The following KIF1C variants were observed in gnomAD, a reference collection of about 807,000 sequenced individuals.
KIF1C encodes kinesin-like protein KIF1C.
KIF1C carries 61 observed loss-of-function variants against 126.5 expected under a neutral mutation model. The observed-to-expected ratio is 0.48, with a 90% CI of 0.39 to 0.60. The LOEUF (loss-of-function observed/expected upper bound fraction) is 0.60. Among genes scored for constraint, KIF1C ranks in the 20% least tolerant of loss-of-function variants. The pLI, the probability that KIF1C is intolerant of heterozygous loss-of-function variation, is 0.00. For synonymous variants in KIF1C, 640 were observed against 580.6 expected, an observed-to-expected ratio of 1.10 and a Z score of -1.47; for missense variants, 1,315 against 1,489.2, an observed-to-expected ratio of 0.88 and a Z score of 1.93.
At chr17:5,019,789 A>G in intron 18 of KIF1C, 1 of 580,760 alleles carries the variant, frequency 1.7e-6, no homozygotes, top group Non-Finnish European at 3.2e-6. Flanking sequence ...GCTTCTGGGA[A>G]TTGTAGTTGG....
At chr17:5,006,358 A>G (rs1005874244) in intron 13 of KIF1C, among the ~76,000 whole-genome samples, 1 of 149,574 alleles carries the variant, frequency 6.7e-6, no homozygotes, top group East Asian at 2.0e-4. Flanking sequence ...TCTCTTTTTG[A>G]GACAGTCACG....
At position 5,006,947 on chromosome 17, in the gene KIF1C, G is replaced by A. The variant is rs755935386; in HGVS notation, c.1198G>A (p.Ala400Thr). Residue 400 changes from alanine to threonine, a missense_variant, in exon 14 of 23, where the codon GCC (alanine) becomes ACC (threonine). This residue lies in a region of KIF1C where 874 missense variants were observed against 1,053.2 expected (regional missense o/e 0.83). Coordinates refer to ENST00000320785, the MANE Select transcript of KIF1C (RefSeq NM_006612.6). ...LKTEEGSVRG[A>T]LPAVSSPPAP... is the part of the protein sequence containing the mutation. ...GACGGAAGAAGGGAGTGTCAGAGGC[G>A]CCCTGCCAGCTGTGTCATCTCCCCC... 3.0e-5 allele frequency: 48 copies of A among 1,609,304 alleles called. No individual in the cohort carries two copies. The highest frequency in any genetic ancestry group is 2.3e-4 in the South Asian group (21 of 90,522).
chr17:5,014,873 A>C (rs760023700), intron 18 of KIF1C, 36 bp downstream of exon 18: 1 of 1,505,492 alleles, frequency 6.6e-7, no homozygotes, highest in African/African-American at 1.4e-5. Context: ...CCAGACAGGG[A>C]GAGAGGCCCC....
intron 8 of KIF1C, 120 bp from the exon 9 acceptor site, chr17:5,003,492 C>T: frequency 1.5e-6 from 1 of 655,784 alleles, no homozygotes. Context: ...TCCTCCCTCG[C>T]CTCCTCCTGG....
chr17:5,011,869 T>C (rs1217465842), intron 16 of KIF1C: 1 of 152,310 alleles, frequency 6.6e-6, no homozygotes, highest in Non-Finnish European at 1.5e-5. Flanking sequence ...GGAGCGCTCT[T>C]GTGCATGTCC....
At chr17:5,018,260 C>T (rs1188267397) in intron 18 of KIF1C, among the ~76,000 whole-genome samples, 1 of 152,050 alleles carries the variant, frequency 6.6e-6, no homozygotes, top group Non-Finnish European at 1.5e-5. Context: ...GGATTACAGG[C>T]GTGAGCCACT....
In KIF1C at chr17:5,004,091, T is replaced by G; in HGVS notation, c.940+18T>G. On this transcript the variant is annotated intron_variant, in intron 11 of 22. Coordinates refer to ENST00000320785, the MANE Select transcript of KIF1C (RefSeq NM_006612.6). ...AAATTTGGGTGAGGGCCTCTTCCTC[T>G]TTCTCTGCCGACCCTGACACATCCC... 1 of 1,564,792 alleles carries G rather than the reference T, an allele frequency of 6.4e-7. No individual in the cohort carries two copies. The highest frequency in any genetic ancestry group is 8.8e-7 in the Non-Finnish European group (1 of 1,135,800).
rs1408115192 is a variant in KIF1C, at chr17:5,000,246, T to C, written c.-1T>C. On this transcript the variant is annotated 5_prime_UTR_variant, in exon 3 of 23. Transcript: ENST00000320785. ...TGAGGAGGGCAGGAGTGTCTGGAGC[T>C]ATGGCTGGTGCCTCGGTGAAAGTGG... 6.4e-7 allele frequency: 1 copy of C among 1,565,396 alleles called. No individual in the cohort carries two copies. Among genetic ancestry groups the C allele is most frequent in the Non-Finnish European group, 8.7e-7 (1 of 1,155,336 alleles).
chr17:5,005,901 A>G (rs1328591703), intron 13 of KIF1C, among the ~76,000 whole-genome samples: 1 of 151,226 alleles, frequency 6.6e-6, no homozygotes, highest in African/African-American at 2.4e-5. Context: ...TAATTTTTGT[A>G]TTTTTAGTAG....
intron 18 of KIF1C, among the ~76,000 whole-genome samples, chr17:5,018,300 C>T (rs1260944818): frequency 6.6e-6 from 1 of 151,978 alleles, no homozygotes; most frequent in Non-Finnish European, 1.5e-5. Flanking sequence ...TTAGAGAGGA[C>T]TTTAGATTAT....
At chr17:5,005,155 G>GT (rs369329222) in intron 13 of KIF1C, among the ~76,000 whole-genome samples, 155 bp downstream of exon 13, 6 of 152,348 alleles carry the variant, frequency 3.9e-5, no homozygotes, top group African/African-American at 1.4e-4. Context: ...GAGAGGGAAC[G>GT]TATGTCTTCA....
chr17:5,020,036 T>C lies in KIF1C; in HGVS notation c.1707T>C (p.Tyr569=), dbSNP rs537026503. ...AGCCTTGTGAAGGAGCTGAGACATA[T>C]GTGAATGGGAAGCTTGTGACGGAGC... The part of the protein sequence containing the change: ...TLEPCEGAET[Y]VNGKLVTEPL... The change falls in exon 19 of 23, where the codon TAT becomes TAC. Residue 569 remains tyrosine (Y), a synonymous_variant. Coordinates refer to ENST00000320785, the MANE Select transcript of KIF1C (RefSeq NM_006612.6). This position sits in a 1 kb window ranked among gnomAD's most constrained non-coding sequence, Gnocchi z 5.8. 2.2e-5 allele frequency: 35 copies of C among 1,605,346 alleles called. No individual in the cohort carries two copies. The African/African-American group carries it at 2.5e-4, about 12-fold the overall frequency.
intron 1 of KIF1C, among the ~76,000 whole-genome samples, chr17:4,999,494 T>C (rs1974514809): frequency 2.0e-5 from 3 of 152,082 alleles, no homozygotes; most frequent in Admixed American, 1.3e-4. Flanking sequence ...GACCTCAGGC[T>C]TGCCTTTTGT....
intron 13 of KIF1C, 101 bp downstream of exon 13, chr17:5,005,101 A>G (rs921259550): frequency 1.7e-5 from 25 of 1,433,782 alleles, no homozygotes; most frequent in Non-Finnish European, 3.9e-6. Flanking sequence ...GGGACCACAC[A>G]CTATGAAACC....
chr17:5,006,862 C>T, intron 13 of KIF1C, 53 bp from the exon 14 acceptor site: 2 of 1,581,786 alleles, frequency 1.3e-6, no homozygotes, highest in Non-Finnish European at 1.7e-6. Context: ...GGATGTCTCT[C>T]ATCAGCTCCT....
chr17:5,011,063 G>A (rs1002080376), intron 16 of KIF1C, among the ~76,000 whole-genome samples: 4 of 152,156 alleles, frequency 2.6e-5, no homozygotes, highest in African/African-American at 9.6e-5. Flanking sequence ...TTCTGGCTTA[G>A]TAAGACTTTT....
intron 16 of KIF1C, chr17:5,012,176 C>T (rs1974881136): frequency 6.6e-6 from 1 of 152,268 alleles, no homozygotes; most frequent in Admixed American, 6.5e-5. Flanking sequence ...GACAGCAGTG[C>T]CTGGGCTTGA....
At chr17:5,000,198 C>T in intron 2 of KIF1C, 22 bp from the exon 3 acceptor site, 2 of 1,379,648 alleles carry the variant, frequency 1.4e-6, no homozygotes, top group Admixed American at 2.0e-5. Context: ...CTGACCCCAC[C>T]ACTCCTTTCT....
At chr17:5,015,762 A>G (rs1305380119) in intron 18 of KIF1C, among the ~76,000 whole-genome samples, 1 of 149,978 alleles carries the variant, frequency 6.7e-6, no homozygotes, top group Non-Finnish European at 1.5e-5. Context: ...CACCAGGCTA[A>G]TTTTTGTATT....
Sources: allele counts gnomAD v4.1 joint callset (sites outside exome capture counted in the v4.1 genomes callset), GRCh38; gene constraint gnomAD v4.1.1; regional missense constraint gnomAD v4.1.1; non-coding constraint Gnocchi (gnomAD v3.1); transcripts MANE v1.5; gene names NCBI Gene and HGNC (gene_info 2026-07-23, HGNC 2026-07-21).